UACA: variants seen among roughly 807,000 people sequenced by gnomAD.
UACA encodes nuclear membrane binding protein.
UACA carries 112 observed loss-of-function variants against 160.5 expected under a neutral mutation model. The observed-to-expected ratio is 0.70, with a 90% CI of 0.60 to 0.82. The LOEUF (loss-of-function observed/expected upper bound fraction) is 0.82, where lower values mean the gene tolerates loss of function less well. Ranked by LOEUF, UACA falls within the 40% of genes least tolerant of loss-of-function variation. The pLI, the probability that UACA is intolerant of heterozygous loss-of-function variation, is 0.00. For missense variants in UACA, 1,574 were observed against 1,614.6 expected (o/e 0.97, Z 0.43); for synonymous variants, 557 against 568.4 (o/e 0.98, Z 0.29).
chr15:70,684,721 C>CT (rs1897646915), intron 7 of UACA, among the ~76,000 whole-genome samples: 1 of 150,672 alleles, frequency 6.6e-6, no homozygotes, highest in Non-Finnish European at 1.5e-5. Context: ...GTGTTCAACA[C>CT]TACTTGAACA....
intron 1 of UACA, among the ~76,000 whole-genome samples, chr15:70,722,141 T>C (rs897214676): frequency 2.0e-5 from 3 of 152,204 alleles, no homozygotes; most frequent in Non-Finnish European, 2.9e-5. Context: ...GTGATGCAGT[T>C]TGGGCATTTT....
At chr15:70,721,260 G>A (rs1309560300) in intron 1 of UACA, among the ~76,000 whole-genome samples, 1 of 152,130 alleles carries the variant, frequency 6.6e-6, no homozygotes, top group Non-Finnish European at 1.5e-5. Flanking sequence ...TATGGGTGTG[G>A]GTAAATATAG....
chr15:70,662,356 A>G (rs1259119857), intron 17 of UACA, among the ~76,000 whole-genome samples: 1 of 152,180 alleles, frequency 6.6e-6, no homozygotes, highest in African/African-American at 2.4e-5. Context: ...TCAATGAAAT[A>G]AAAGAGGATA....
At chr15:70,689,140 C>T (rs1028928508) in intron 5 of UACA, among the ~76,000 whole-genome samples, 2 of 152,072 alleles carry the variant, frequency 1.3e-5, no homozygotes, top group African/African-American at 4.8e-5. Flanking sequence ...AGCTAGAATA[C>T]GGCTACGACC....
chr15:70,772,699 G>A, the UACA span, among the ~76,000 whole-genome samples: 1 of 152,056 alleles, frequency 6.6e-6, no homozygotes, highest in Non-Finnish European at 1.5e-5. Context: ...TGGAAGTTAT[G>A]GCCAAATAAA....
chr15:70,749,074 ATGAG>A (rs1454598085), intron 1 of UACA: 18 of 194,642 alleles, frequency 9.2e-5, no homozygotes, highest in East Asian at 1.6e-4. Context: ...AGTGAAAGAT[ATGAG>A]TGAGTGTGCA....
intron 10 of UACA, 145 bp downstream of exon 10, chr15:70,679,463 G>C: frequency 2.4e-6 from 1 of 409,472 alleles, no homozygotes; most frequent in Non-Finnish European, 4.3e-6. Context: ...CAAAAAAAAA[G>C]AGAATCACAA....
chr15:70,746,652 T>C (rs1012956603), intron 1 of UACA, among the ~76,000 whole-genome samples: 2 of 152,178 alleles, frequency 1.3e-5, no homozygotes, highest in Non-Finnish European at 2.9e-5. Flanking sequence ...AAAATGATTA[T>C]AAATCATTCC....
chr15:70,777,034 A>T, the UACA span, among the ~76,000 whole-genome samples: 3 of 152,208 alleles, frequency 2.0e-5, no homozygotes. Flanking sequence ...AAACCACATC[A>T]TCGTTTTGCA....
At chr15:70,736,297 T>G (rs957943680) in intron 1 of UACA, among the ~76,000 whole-genome samples, 1 of 152,240 alleles carries the variant, frequency 6.6e-6, no homozygotes, top group Non-Finnish European at 1.5e-5. Flanking sequence ...GTTTCCATAC[T>G]TCTTAGCATG....
rs1896475061 is a variant in UACA, at chr15:70,656,406, C to T, written c.*650G>A. On this transcript the variant is annotated 3_prime_UTR_variant, in exon 19 of 19. Transcript: ENST00000322954. ...ATTAAGGCAATTTTATTATAAATTC[C>T]TGATATATTCCACCCCTGCCTGTTC... 1 of 152,030 alleles carries T rather than the reference C, an allele frequency of 6.6e-6. No homozygotes were observed. Among genetic ancestry groups the T allele is most frequent in the Non-Finnish European group, 1.5e-5 (1 of 68,014 alleles). The allele number at this position is 152,030 out of a possible 1,614,324, so 9.4% of individuals were successfully genotyped here.
intron 16 of UACA, among the ~76,000 whole-genome samples, chr15:70,665,714 T>C (rs1411669996): frequency 1.3e-5 from 2 of 152,208 alleles, no homozygotes; most frequent in African/African-American, 4.8e-5. Context: ...TATATATTCA[T>C]AGGTACCTTC....
chr15:70,742,983 G>T (rs1899585256), intron 1 of UACA, among the ~76,000 whole-genome samples: 1 of 152,160 alleles, frequency 6.6e-6, no homozygotes, highest in African/African-American at 2.4e-5. Context: ...AAATCAAGGT[G>T]CCAGCCAGGC....
intron 1 of UACA, among the ~76,000 whole-genome samples, chr15:70,708,843 A>C (rs187012059): frequency 6.6e-6 from 1 of 152,324 alleles, no homozygotes; most frequent in African/African-American, 2.4e-5. Context: ...GTATAGATAA[A>C]ACAAGATTGG....
rs1896917325 is a variant in UACA at position 70,666,664 on chromosome 15, G to A, written c.3960+60C>T. On this transcript the variant is annotated intron_variant, in intron 16 of 18. Coordinates refer to ENST00000322954, the MANE Select transcript of UACA (RefSeq NM_018003.4). Reference sequence around the variant, plus strand: ...TGTCTACTTTCCTGTGAGATTCTGTGGTAAAGAGCACTGCTCTGGGGTTTC... The same window carrying A: ...TGTCTACTTTCCTGTGAGATTCTGTAGTAAAGAGCACTGCTCTGGGGTTTC... 3 of 1,332,172 alleles carry A rather than the reference G, an allele frequency of 2.3e-6. No individual in the cohort carries two copies. The African/African-American group carries it at 4.5e-5, about 20-fold the overall frequency. 82.5% of individuals were successfully genotyped at this position (1,332,172 alleles called of 1,614,324 possible). A position where few individuals can be genotyped will look rare whatever the true frequency, so the allele number is the denominator to read the frequency against.
chr15:70,748,947 TAA>T (rs1899795054), intron 1 of UACA: 1 of 153,186 alleles, frequency 6.5e-6, no homozygotes, highest in Admixed American at 6.5e-5. Context: ...CTATTACCCT[TAA>T]GTTTCCTCTT....
chr15:70,659,395 G>GTTTTTT lies in UACA; in HGVS notation c.4179+750_4179+755dup, dbSNP rs71152307. Among the ~76,000 whole-genome samples, 106 of 18,602 alleles carry GTTTTTT rather than the reference G, an allele frequency of 5.7e-3. 4 individuals are homozygous for GTTTTTT. The highest frequency in any genetic ancestry group is 7.1e-3 in the Non-Finnish European group (73 of 10,268). The allele number at this position is 18,602 out of a possible 152,430, so 12.2% of individuals were successfully genotyped here. On this transcript the variant is annotated intron_variant, in intron 18 of 18. Coordinates refer to ENST00000322954, the MANE Select transcript of UACA (RefSeq NM_018003.4). ...TCTTTCCCTTCTTCATTTTTTGTTT[G>GTTTTTT]TTTTTTTTTTTTTTTTTTTTTTTTT...
At position 70,666,739 on chromosome 15, in the gene UACA, T is replaced by G. The variant is rs756263317; in HGVS notation, c.3945A>C (p.Glu1315Asp). ...TTGTACCTACCTTATTATCTTTTGC[T>G]TCTATTTGTTTAGCAGATTCTTGTA... Reference protein sequence around the residue: ...RRIQESAKQIEAKDNKITELL... With the variant: ...RRIQESAKQIDAKDNKITELL... The change falls in exon 16 of 19, where the codon GAA becomes GAC. Residue 1315 changes from glutamate (E) to aspartate (D), a missense_variant. Transcript: ENST00000322954. The G allele has an allele frequency of 6.2e-7, 1 of 1,605,520 alleles. No homozygotes were observed. Among genetic ancestry groups the G allele is most frequent in the Non-Finnish European group, 8.5e-7 (1 of 1,177,384 alleles).
intron 1 of UACA, among the ~76,000 whole-genome samples, chr15:70,721,453 G>A (rs927936748): frequency 3.9e-4 from 59 of 152,090 alleles, no homozygotes; most frequent in African/African-American, 1.3e-3. Context: ...GTGAAACCCC[G>A]TCTCTACTGA....
Sources: gnomAD v4.1 joint callset for allele counts (sites outside exome capture counted in the v4.1 genomes callset) on GRCh38, gnomAD v4.1.1 for gene constraint, MANE v1.5 for transcripts, NCBI Gene and HGNC (gene_info 2026-07-23, HGNC 2026-07-21) for gene names.